Variants in ADAMTSL1 observed in about 807,000 individuals in gnomAD.
ADAMTSL1 encodes ADAMTS-like protein 1.
A neutral mutation model predicts 201.8 loss-of-function variants in ADAMTSL1; 126 were observed. The observed-to-expected ratio is 0.62, with a 90% CI of 0.54 to 0.72. ADAMTSL1 has a LOEUF of 0.72. Ranked by LOEUF, ADAMTSL1 falls within the 30% of genes least tolerant of loss-of-function variation. The probability of loss-of-function intolerance (pLI) is 0.00; values close to 1 mark genes in which losing one functional copy is unlikely to be tolerated. For synonymous variants in ADAMTSL1, 1,121 were observed against 903.4 expected (o/e 1.24, Z -4.32); for missense variants, 2,679 against 2,277.8 (o/e 1.18, Z -3.59).
chr9:18,388,204 T>C (rs1837883657), intron 2 of ADAMTSL1, among the ~76,000 whole-genome samples: 1 of 152,068 alleles, frequency 6.6e-6, no homozygotes, highest in South Asian at 2.1e-4. Context: ...TTCTATTTCA[T>C]AAGTAAATTT....
At chr9:18,482,331 A>C (rs571946549) in intron 1 of ADAMTSL1, among the ~76,000 whole-genome samples, 3 of 152,338 alleles carry the variant, frequency 2.0e-5, no homozygotes, top group Admixed American at 2.0e-4. Flanking sequence ...GTTTAAAGAA[A>C]TAAGTGGTAT....
intron 2 of ADAMTSL1, among the ~76,000 whole-genome samples, chr9:18,314,546 G>A (rs952208492): frequency 3.9e-4 from 59 of 150,296 alleles, no homozygotes; most frequent in Admixed American, 3.3e-3. Context: ...CCTTCCTCCC[G>A]TCCGCAGTTG....
chr9:18,245,367 G>A (rs1831220885), intron 2 of ADAMTSL1, among the ~76,000 whole-genome samples: 1 of 152,024 alleles, frequency 6.6e-6, no homozygotes, highest in South Asian at 2.1e-4. Flanking sequence ...TAAATCTTAG[G>A]AATTCCTATA....
chr9:18,753,556 A>C, intron 16 of ADAMTSL1, 48 bp downstream of exon 16: 1 of 1,561,296 alleles, frequency 6.4e-7, no homozygotes, highest in Non-Finnish European at 8.6e-7. Context: ...TGCAACAGTG[A>C]CTCAAAAAAG....
In ADAMTSL1 at chr9:18,753,426, G is replaced by T. The variant is rs1819573754; in HGVS notation, c.2135G>T (p.Cys712Phe). 8 of 1,613,438 alleles carry T rather than the reference G, an allele frequency of 5.0e-6. No individual in the cohort carries two copies. Among genetic ancestry groups the T allele is most frequent in the Non-Finnish European group, 6.8e-6 (8 of 1,179,750 alleles). The change falls in exon 16 of 29, where the codon TGT becomes TTT. Residue 712 changes from cysteine (C) to phenylalanine (F), a missense_variant. Cys to Phe is a radical substitution (Grantham distance 205). Coordinates refer to ENST00000380548, the MANE Select transcript of ADAMTSL1 (RefSeq NM_001040272.6). ...ACAGTCATCCTGGCTGATGAGCTGT[G>T]TCGCCAGCCCAAGCCCAGCACGGTG... The part of the protein sequence containing the change: ...NETVILADEL[C>F]RQPKPSTVQA...
intron 14 of ADAMTSL1, chr9:18,718,254 T>A: frequency 2.6e-6 from 2 of 758,494 alleles, no homozygotes; most frequent in Non-Finnish European, 4.9e-6. Flanking sequence ...GTCTTGCAAA[T>A]CATTAAATGT....
intron 23 of ADAMTSL1, among the ~76,000 whole-genome samples, chr9:18,861,706 T>C (rs942127670): frequency 1.2e-4 from 18 of 152,202 alleles, no homozygotes; most frequent in African/African-American, 4.3e-4. Flanking sequence ...ACCTATCTAT[T>C]TATGGGTCCT....
intron 1 of ADAMTSL1, among the ~76,000 whole-genome samples, chr9:18,006,415 T>C (rs1313773586): frequency 6.6e-6 from 1 of 152,034 alleles, no homozygotes; most frequent in African/African-American, 2.4e-5. Context: ...TTGGAGCTGG[T>C]AGCAGCTGGC....
At chr9:18,418,947 G>T (rs1413461789) in intron 2 of ADAMTSL1, among the ~76,000 whole-genome samples, 6 of 152,174 alleles carry the variant, frequency 3.9e-5, no homozygotes, top group Non-Finnish European at 5.9e-5. Context: ...TTACTATAAA[G>T]CTTCAGTTGT....
chr9:18,007,206 C>T (rs1030453730), intron 1 of ADAMTSL1, among the ~76,000 whole-genome samples: 5 of 152,004 alleles, frequency 3.3e-5, no homozygotes, highest in African/African-American at 1.2e-4. Context: ...CTTTTCCATA[C>T]AAATTGCAGT....
chr9:18,050,791 C>A (rs10963415), intron 1 of ADAMTSL1, among the ~76,000 whole-genome samples: 1 of 151,892 alleles, frequency 6.6e-6, no homozygotes, highest in South Asian at 2.1e-4. Context: ...AGAGATGAGG[C>A]TGCCTTCCCA....
chr9:18,399,318 T>TATATATATATACATAC (rs1563934781), intron 2 of ADAMTSL1, among the ~76,000 whole-genome samples: 6 of 100,796 alleles, frequency 6.0e-5, no homozygotes, highest in Non-Finnish European at 1.0e-4. Flanking sequence ...TATATATATA[T>TATATATATATACATAC]ATATATATAT....
chr9:18,410,975 G>C (rs1336266889), intron 2 of ADAMTSL1, among the ~76,000 whole-genome samples: 1 of 150,578 alleles, frequency 6.6e-6, no homozygotes, highest in African/African-American at 2.4e-5. Flanking sequence ...CAAAGTATCT[G>C]GGACTACAGG....
intron 14 of ADAMTSL1, among the ~76,000 whole-genome samples, chr9:18,717,573 T>G (rs1368463219): frequency 6.6e-6 from 1 of 152,190 alleles, no homozygotes; most frequent in Non-Finnish European, 1.5e-5. Flanking sequence ...TCTTTGGACT[T>G]TGTTTTATTA....
chr9:18,720,717 A>G (rs1366396404), intron 14 of ADAMTSL1, among the ~76,000 whole-genome samples: 1 of 152,192 alleles, frequency 6.6e-6, no homozygotes, highest in Non-Finnish European at 1.5e-5. Context: ...CGGAAGGCAG[A>G]GGTTGCAGTG....
chr9:18,605,925 C>G (rs1824982577), intron 4 of ADAMTSL1, among the ~76,000 whole-genome samples: 1 of 152,132 alleles, frequency 6.6e-6, no homozygotes, highest in Admixed American at 6.5e-5. Context: ...CTTGTGTGAA[C>G]TGTGTGTTCA....
At chr9:18,239,826 A>G (rs1428290501) in intron 2 of ADAMTSL1, among the ~76,000 whole-genome samples, 2 of 152,090 alleles carry the variant, frequency 1.3e-5, no homozygotes, top group Non-Finnish European at 2.9e-5. Context: ...AGAAACCACT[A>G]TCAGTGTTTA....
intron 2 of ADAMTSL1, among the ~76,000 whole-genome samples, chr9:18,245,841 T>A (rs1185287160): frequency 6.6e-6 from 1 of 152,186 alleles, no homozygotes; most frequent in Non-Finnish European, 1.5e-5. Flanking sequence ...AGTTTCTGCA[T>A]GCAAAATTTC....
chr9:18,030,547 A>G lies in ADAMTSL1; in HGVS notation c.87+123625A>G, dbSNP rs147290847. Among the ~76,000 whole-genome samples, 1,066 of 152,130 alleles carry G rather than the reference A, an allele frequency of 7.0e-3. 11 individuals are homozygous for G. Among genetic ancestry groups the G allele is most frequent in the African/African-American group, 0.024 (1,013 of 41,548 alleles). The stretch of plus-strand genomic sequence containing the variant: ...GCACATGTACCCTAAAACTTAAAGT[A>G]TAATATTAATAAAAAGAAAAAAAAA... On this transcript the variant is annotated intron_variant, in intron 1 of 29. Coordinates refer to the ADAMTSL1 transcript ENST00000680146.
Sources: gnomAD v4.1 joint callset for allele counts (sites outside exome capture counted in the v4.1 genomes callset) on GRCh38, gnomAD v4.1.1 for gene constraint, MANE v1.5 for transcripts, NCBI Gene and HGNC (gene_info 2026-07-23, HGNC 2026-07-21) for gene names.